The following LAMA2 variants were observed in gnomAD, a reference collection of about 807,000 sequenced individuals.
The protein encoded by LAMA2 is laminin subunit alpha 2, also known as laminin subunit alpha-2.
Under a neutral mutation model 364.8 loss-of-function variants are expected in LAMA2, and 269 were observed. The ratio of observed to expected loss-of-function variants is 0.74; its 90% CI spans 0.67 to 0.82. LAMA2 has a LOEUF of 0.82. Among genes scored for constraint, LAMA2 ranks in the 40% least tolerant of loss-of-function variants. The probability of loss-of-function intolerance (pLI) is 0.00; values close to 1 mark genes in which losing one functional copy is unlikely to be tolerated. For missense variants in LAMA2, 3,807 were observed against 3,873.2 expected (o/e 0.98, Z 0.45); for synonymous variants, 1,379 against 1,370.6 (o/e 1.01, Z -0.14).
chr6:129,203,652 TC>T (rs1273021441), intron 12 of LAMA2, among the ~76,000 whole-genome samples: 11 of 152,342 alleles, frequency 7.2e-5, no homozygotes, highest in African/African-American at 2.6e-4. Context: ...TGACTTTTTT[TC>T]CTCCTTGATT....
At chr6:128,925,277 C>T (rs567772901) in intron 1 of LAMA2, among the ~76,000 whole-genome samples, 17 of 152,132 alleles carry the variant, frequency 1.1e-4, no homozygotes, top group African/African-American at 2.4e-4. Flanking sequence ...TGTTGACAGA[C>T]GAATAGATAA....
At chr6:129,322,158 T>C (rs1053601583) in intron 28 of LAMA2, among the ~76,000 whole-genome samples, 1 of 152,232 alleles carries the variant, frequency 6.6e-6, no homozygotes, top group Non-Finnish European at 1.5e-5. Context: ...TTCCTGTGAC[T>C]TCTCTGAAGG....
In LAMA2 at chr6:129,516,524, C is replaced by CTCAAG. The variant is rs1452636102; in HGVS notation, c.*180_*184dup. ...GACTGAATTTTAATTCAAGTTCTTTCTCAAGTCTATAAATAATATTAAACT... is the reference window on the plus strand; with the variant it reads ...GACTGAATTTTAATTCAAGTTCTTTCTCAAGTCAAGTCTATAAATAATATTAAACT... On this transcript the variant is annotated 3_prime_UTR_variant, in exon 65 of 65. Transcript: ENST00000421865. 9.8e-6 allele frequency: 6 copies of CTCAAG among 613,622 alleles called. No individual in the cohort carries two copies. The highest frequency in any genetic ancestry group is 5.8e-5 in the East Asian group (2 of 34,724). 38.0% of individuals were successfully genotyped at this position (613,622 alleles called of 1,614,324 possible). A position where few individuals can be genotyped will look rare whatever the true frequency, so the allele number is the denominator to read the frequency against.
intron 17 of LAMA2, among the ~76,000 whole-genome samples, chr6:129,275,980 G>A (rs1357881785): frequency 6.6e-6 from 1 of 152,088 alleles, no homozygotes; most frequent in African/African-American, 2.4e-5. Context: ...GGTAATTAAA[G>A]AAATAAGTGT....
intron 17 of LAMA2, among the ~76,000 whole-genome samples, chr6:129,272,082 C>T (rs1787978352): frequency 6.6e-6 from 1 of 152,168 alleles, no homozygotes; most frequent in Admixed American, 6.6e-5. Context: ...AGAGAAAGCA[C>T]TACTATTTAA....
chr6:129,215,508 T>G (rs1182578236), intron 12 of LAMA2, among the ~76,000 whole-genome samples: 1 of 152,148 alleles, frequency 6.6e-6, no homozygotes, highest in African/African-American at 2.4e-5. Context: ...CAGAGAGATA[T>G]ATATTTCTTA....
In LAMA2 at chr6:129,291,648, G is replaced by A; in HGVS notation, c.2784G>A (p.Glu928=). 6.2e-7 allele frequency: 1 copy of A among 1,614,112 alleles called. No individual in the cohort carries two copies. The highest frequency in any genetic ancestry group is 8.5e-7 in the Non-Finnish European group (1 of 1,179,974). Residue 928 remains glutamate, a synonymous_variant, in exon 20 of 65, where the codon GAG becomes GAA. Transcript: ENST00000421865. The part of the protein sequence containing the change: ...CRCNAGGSFS[E]VCHSQTGQCE... ...GTAATGCCGGTGGCTCTTTCTCTGA[G>A]GTTTGCCACAGTCAAACTGGACAGT...
chr6:129,087,958 G>T (rs1218469768), intron 3 of LAMA2, among the ~76,000 whole-genome samples: 3 of 146,750 alleles, frequency 2.0e-5, no homozygotes, highest in African/African-American at 7.5e-5. Context: ...GATTTGGCAG[G>T]GTCACGGGAC....
At chr6:129,357,009 G>A (rs1433294924) in intron 32 of LAMA2, among the ~76,000 whole-genome samples, 1 of 151,970 alleles carries the variant, frequency 6.6e-6, no homozygotes, top group Non-Finnish European at 1.5e-5. Context: ...ATGTAAGTTG[G>A]TGAGTTCTGA....
intron 38 of LAMA2, among the ~76,000 whole-genome samples, chr6:129,401,887 T>C (rs964967249): frequency 1.3e-5 from 2 of 152,148 alleles, no homozygotes; most frequent in African/African-American, 4.8e-5. Flanking sequence ...TTTTGCTATG[T>C]TAGTAAGTTT....
At chr6:129,422,600 A>G (rs549100575) in intron 40 of LAMA2, among the ~76,000 whole-genome samples, 2 of 152,302 alleles carry the variant, frequency 1.3e-5, no homozygotes, top group Admixed American at 1.3e-4. Flanking sequence ...TAATTCAACA[A>G]TTTGGATAAA....
At chr6:128,995,469 C>T (rs1223189036) in intron 1 of LAMA2, among the ~76,000 whole-genome samples, 3 of 152,158 alleles carry the variant, frequency 2.0e-5, no homozygotes, top group Non-Finnish European at 4.4e-5. Context: ...TTACAGGTGC[C>T]TGCCACCACG....
intron 1 of LAMA2, among the ~76,000 whole-genome samples, chr6:128,911,895 C>T (rs1047046745): frequency 2.0e-5 from 3 of 152,148 alleles, no homozygotes; most frequent in Admixed American, 1.3e-4. Flanking sequence ...GAAACACCAA[C>T]TAAGTACTTT....
intron 20 of LAMA2, chr6:129,293,030 C>T (rs1387099785): frequency 3.0e-6 from 3 of 985,882 alleles, no homozygotes; most frequent in Non-Finnish European, 3.6e-6. Flanking sequence ...GCAGCTCCAG[C>T]GGGTGCCCTC....
intron 41 of LAMA2, among the ~76,000 whole-genome samples, chr6:129,434,313 T>A (rs572627174): frequency 6.6e-6 from 1 of 152,278 alleles, no homozygotes; most frequent in East Asian, 1.9e-4. Flanking sequence ...CTGCTTCCAT[T>A]CCCTCATTGT....
chr6:129,195,510 G>A (rs926663797), intron 12 of LAMA2, among the ~76,000 whole-genome samples: 11 of 152,124 alleles, frequency 7.2e-5, no homozygotes, highest in African/African-American at 1.2e-4. Context: ...AACTTAGCAC[G>A]TTTTTATACT....
intron 3 of LAMA2, among the ~76,000 whole-genome samples, chr6:129,088,306 C>G (rs62420960): frequency 0.11 from 17,372 of 151,780 alleles, 1,025 homozygotes; most frequent in Middle Eastern, 0.15. Context: ...TCTACACAGA[C>G]ACAGCAACAA....
At chr6:129,121,864 T>C (rs931744161) in intron 4 of LAMA2, among the ~76,000 whole-genome samples, 6 of 152,188 alleles carry the variant, frequency 3.9e-5, no homozygotes, top group Admixed American at 6.5e-5. Flanking sequence ...TAAAGATTTA[T>C]GAGTTACCTA....
At chr6:129,275,346 T>A (rs1788232428) in intron 17 of LAMA2, among the ~76,000 whole-genome samples, 1 of 151,988 alleles carries the variant, frequency 6.6e-6, no homozygotes, top group African/African-American at 2.4e-5. Flanking sequence ...TTCAGAGAAA[T>A]TAAGTGCCTT....
Sources: allele counts gnomAD v4.1 joint callset (sites outside exome capture counted in the v4.1 genomes callset), GRCh38; gene constraint gnomAD v4.1.1; transcripts MANE v1.5; gene names NCBI Gene and HGNC (gene_info 2026-07-23, HGNC 2026-07-21).